Variants in MEGF11 observed in about 807,000 individuals in gnomAD.
MEGF11 encodes the protein multiple epidermal growth factor-like domains protein 11.
Under a neutral mutation model 146.6 loss-of-function variants are expected in MEGF11, and 126 were observed. That is an observed-to-expected ratio of 0.86 (90% CI 0.74 to 1.00). MEGF11 has a LOEUF of 1.00. Among genes scored for constraint, MEGF11 ranks in the 50% least tolerant of loss-of-function variants. MEGF11 has a pLI of 0.00. For synonymous variants in MEGF11, 532 were observed against 583.4 expected, an observed-to-expected ratio of 0.91 and a Z score of 1.27; for missense variants, 1,509 against 1,521.2, an observed-to-expected ratio of 0.99 and a Z score of 0.13.
chr15:66,222,657 C>T lies in MEGF11; in HGVS notation c.-9+30948G>A, dbSNP rs143624584. Among the ~76,000 whole-genome samples the T allele has an allele frequency of 7.6e-3, 1,154 of 152,238 alleles. 8 individuals are homozygous for T. The highest frequency in any genetic ancestry group is 0.013 in the Non-Finnish European group (861 of 68,030). ...GCTCATTCATTCATCTTCTTAGGAC[C>T]TAAGTTTAAAATGAGCAAAGGATCT... is the stretch of plus-strand genomic sequence containing the variant. On this transcript the variant is annotated intron_variant, in intron 1 of 25. Transcript: ENST00000395614.
chr15:66,030,720 T>G (rs2083486144), intron 5 of MEGF11, among the ~76,000 whole-genome samples: 1 of 152,108 alleles, frequency 6.6e-6, no homozygotes. Flanking sequence ...ACCCCTCAAC[T>G]TTACATACAG....
intron 1 of MEGF11, among the ~76,000 whole-genome samples, chr15:66,208,021 G>T (rs533606519): frequency 9.2e-5 from 14 of 151,690 alleles, no homozygotes; most frequent in Admixed American, 2.6e-4. Flanking sequence ...GGAGGTGGAG[G>T]TTGCAGTGAG....
intron 4 of MEGF11, among the ~76,000 whole-genome samples, chr15:66,104,261 C>T (rs2086962507): frequency 6.6e-6 from 1 of 152,202 alleles, no homozygotes; most frequent in Non-Finnish European, 1.5e-5. Context: ...TCACTGTTAG[C>T]TCACCTTTCC....
Position 65,913,742 on chromosome 15 carries a change from A to G in MEGF11, c.2705T>C (p.Leu902Pro), listed in dbSNP as rs1226233291. 2 of 1,611,242 alleles carry G rather than the reference A, an allele frequency of 1.2e-6. No homozygotes were observed. The highest frequency in any genetic ancestry group is 4.5e-5 in the East Asian group (2 of 44,786). The change falls in exon 20 of 26, where the codon CTC becomes CCC. Residue 902 changes from leucine (L) to proline (P), a missense_variant. Transcript: ENST00000395614. ...AMRMTSTDYS[L>P]SDLSQSSSHA... Reference sequence around the variant, plus strand: ...GCCAGGAGCATGGCCCTTACCTGAGAGGGAGTAGTCGGTGCTGGTCATCCT... The same window carrying G: ...GCCAGGAGCATGGCCCTTACCTGAGGGGGAGTAGTCGGTGCTGGTCATCCT...
chr15:66,088,677 C>A (rs575679275), intron 5 of MEGF11, among the ~76,000 whole-genome samples: 1 of 151,588 alleles, frequency 6.6e-6, no homozygotes, highest in African/African-American at 2.4e-5. Flanking sequence ...AAGGAAATTC[C>A]GACACATGCT....
intron 7 of MEGF11, among the ~76,000 whole-genome samples, chr15:65,972,022 GA>G: frequency 6.6e-6 from 1 of 152,122 alleles, no homozygotes; most frequent in African/African-American, 2.4e-5. Flanking sequence ...AAGAGGTCTT[GA>G]AAATTAAAAA....
chr15:66,044,204 C>T (rs2084104585), intron 5 of MEGF11, among the ~76,000 whole-genome samples: 1 of 152,168 alleles, frequency 6.6e-6, no homozygotes, highest in Non-Finnish European at 1.5e-5. Flanking sequence ...ATCACCCAGA[C>T]CTGGGTTCGA....
chr15:66,111,695 A>G (rs941093863), intron 4 of MEGF11, among the ~76,000 whole-genome samples: 1 of 152,198 alleles, frequency 6.6e-6, no homozygotes, highest in Non-Finnish European at 1.5e-5. Flanking sequence ...TAAACAAGGT[A>G]TTCTGGATGG....
In MEGF11 at chr15:66,226,742, T is replaced by TG. The variant is rs977951956; in HGVS notation, c.-9+26862dup. ...GGTCGGTACTGTCCACAGCATCCAC[T>TG]GGGGGGGCTTGGAACATGTCCTCCG... On this transcript the variant is annotated intron_variant, in intron 1 of 25. Transcript: ENST00000395614. 8.6e-4 allele frequency among the ~76,000 whole-genome samples: 130 copies of TG among 151,884 alleles called. 2 individuals are homozygous for TG. The Middle Eastern group carries it at 0.034, about 40-fold the overall frequency.
At chr15:66,158,140 A>T (rs1462009696) in intron 1 of MEGF11, among the ~76,000 whole-genome samples, 2 of 150,892 alleles carry the variant, frequency 1.3e-5, no homozygotes, top group Non-Finnish European at 2.9e-5. Flanking sequence ...TTTAGATAAT[A>T]AAAAAAAATT....
chr15:66,046,478 G>A (rs2084208917), intron 5 of MEGF11, among the ~76,000 whole-genome samples: 1 of 152,236 alleles, frequency 6.6e-6, no homozygotes, highest in Non-Finnish European at 1.5e-5. Context: ...AAGCCGAAGG[G>A]ACGGCAGAGC....
chr15:66,231,614 C>G (rs2091969131), intron 1 of MEGF11, among the ~76,000 whole-genome samples: 1 of 152,178 alleles, frequency 6.6e-6, no homozygotes, highest in South Asian at 2.1e-4. Context: ...GCTGCTGATT[C>G]AAACTCCCGC....
intron 5 of MEGF11, among the ~76,000 whole-genome samples, chr15:65,996,232 C>T (rs151195776): frequency 2.0e-5 from 3 of 152,242 alleles, no homozygotes; most frequent in East Asian, 1.9e-4. Flanking sequence ...TGGGGAAATC[C>T]GTAGGGCAGG....
chr15:66,011,198 C>G (rs1450582480), intron 5 of MEGF11, among the ~76,000 whole-genome samples: 2 of 152,088 alleles, frequency 1.3e-5, no homozygotes, highest in Non-Finnish European at 2.9e-5. Flanking sequence ...CCACTTGTGG[C>G]CACCGTAAGA....
At chr15:65,965,191 A>G (rs1472025414) in intron 8 of MEGF11, 71 bp from the exon 9 acceptor site, 15 of 1,340,642 alleles carry the variant, frequency 1.1e-5, no homozygotes, top group Non-Finnish European at 9.2e-6. Flanking sequence ...ATCCTCCAGG[A>G]TGTGGTCCTC....
chr15:65,962,536 A>AACTTCAACTGAACAAAAACTTTGTGCC (rs1320442873), intron 9 of MEGF11, among the ~76,000 whole-genome samples: 3 of 152,212 alleles, frequency 2.0e-5, no homozygotes, highest in Non-Finnish European at 4.4e-5. Flanking sequence ...GAGAAACCCT[A>AACTTCAACTGAACAAAAACTTTGTGCC]ACTTCAACTG....
intron 1 of MEGF11, among the ~76,000 whole-genome samples, chr15:66,229,996 G>A (rs1241980855): frequency 6.6e-6 from 1 of 152,176 alleles, no homozygotes; most frequent in Non-Finnish European, 1.5e-5. Flanking sequence ...GGAAGTGCTG[G>A]CAGCAACTTT....
At chr15:66,222,712 A>G (rs748743106) in intron 1 of MEGF11, among the ~76,000 whole-genome samples, 5 of 152,252 alleles carry the variant, frequency 3.3e-5, no homozygotes, top group Admixed American at 6.5e-5. Flanking sequence ...GAAGGTATAT[A>G]AGTGACCAAT....
chr15:66,145,589 G>A (rs1325655544), intron 1 of MEGF11, among the ~76,000 whole-genome samples: 2 of 152,174 alleles, frequency 1.3e-5, no homozygotes, highest in African/African-American at 2.4e-5. Context: ...GGAAGGGTAG[G>A]GGGCTGGGCC....
Sources: allele counts gnomAD v4.1 joint callset (sites outside exome capture counted in the v4.1 genomes callset), GRCh38; gene constraint gnomAD v4.1.1; transcripts MANE v1.5; gene names NCBI Gene and HGNC (gene_info 2026-07-23, HGNC 2026-07-21).